Variants in CIAO1 observed in about 807,000 individuals in gnomAD.
CIAO1 encodes the protein cytosolic iron-sulfur assembly component 1.
In CIAO1, 32 loss-of-function variants were observed where a neutral mutation model predicts 43.1. That is an observed-to-expected ratio of 0.74 (90% CI 0.56 to 1.00). The LOEUF is 1.00. Among genes scored for constraint, CIAO1 ranks in the 50% least tolerant of loss-of-function variants. The probability of loss-of-function intolerance (pLI) is 0.00; values close to 1 mark genes in which losing one functional copy is unlikely to be tolerated. For synonymous variants in CIAO1, 183 were observed against 171.4 expected (o/e 1.07, Z -0.53); for missense variants, 415 against 437.4 (o/e 0.95, Z 0.46).
intron 4 of CIAO1, 133 bp from the exon 5 acceptor site, chr2:96,268,324 C>T (rs1684477479): frequency 2.5e-6 from 2 of 785,432 alleles, no homozygotes; most frequent in Non-Finnish European, 4.1e-6. Flanking sequence ...TGCACTCCAG[C>T]CTGGGCAACA....
At chr2:96,267,956 G>C (rs374399730) in intron 4 of CIAO1, 32 bp downstream of exon 4, 64 of 1,562,520 alleles carry the variant, frequency 4.1e-5, no homozygotes, top group Non-Finnish European at 5.6e-5. Flanking sequence ...TTGTGGGAAG[G>C]GCTCTGGTGT....
intron 4 of CIAO1, 85 bp downstream of exon 4, chr2:96,268,009 T>A: frequency 8.9e-7 from 1 of 1,121,804 alleles, no homozygotes; most frequent in Non-Finnish European, 1.3e-6. Flanking sequence ...AGCCTTAATC[T>A]AGCTTTTACG....
intron 6 of CIAO1, 86 bp from the exon 7 acceptor site, chr2:96,271,025 A>G: frequency 2.0e-6 from 3 of 1,536,282 alleles, no homozygotes; most frequent in Non-Finnish European, 2.7e-6. Context: ...GCCTGAAGTT[A>G]GGGAAGAGAA....
At position 96,267,388 on chromosome 2, in the gene CIAO1, G is replaced by T. The variant is rs1405814956; in HGVS notation, c.207G>T (p.Trp69Cys). ...GHQRTVRKVA[W>C]SPCGNYLASA... ...AGCGCACCGTGCGGAAGGTAGCCTG[G>T]TCCCCCTGCGGTAATTACCTGGCCT... is the stretch of plus-strand genomic sequence containing the variant. The change falls in exon 2 of 7, where the codon TGG becomes TGT. Residue 69 changes from tryptophan to cysteine, a missense_variant. Physicochemically the swap from Trp to Cys is radical, Grantham distance 215 (BLOSUM62 -2). Coordinates refer to ENST00000488633, the MANE Select transcript of CIAO1 (RefSeq NM_004804.3). The T allele has an allele frequency of 6.2e-7, 1 of 1,614,062 alleles. No individual in the cohort carries two copies. The highest frequency in any genetic ancestry group is 8.5e-7 in the Non-Finnish European group (1 of 1,180,044).
chr2:96,270,724 C>T (rs1021555097), intron 6 of CIAO1, among the ~76,000 whole-genome samples: 3 of 149,952 alleles, frequency 2.0e-5, no homozygotes, highest in Non-Finnish European at 3.0e-5. Context: ...GCAGGAGAAT[C>T]GCTTGAACCT....
Position 96,271,099 on chromosome 2 carries a change from C to CT in CIAO1, c.780-9dup. On this transcript the variant is annotated splice_polypyrimidine_tract_variant and intron_variant, in intron 6 of 6. Coordinates refer to ENST00000488633, the MANE Select transcript of CIAO1 (RefSeq NM_004804.3). Reference sequence around the variant, plus strand: ...TAGTCAGGTATACCCACTGATGTCACTTTCCTTCCAGGTGTCAGCTGACAG... The same window carrying CT: ...TAGTCAGGTATACCCACTGATGTCACTTTTCCTTCCAGGTGTCAGCTGACAG... 1 of 1,614,092 alleles carries CT rather than the reference C, an allele frequency of 6.2e-7. No individual in the cohort carries two copies. The highest frequency in any genetic ancestry group is 1.1e-5 in the South Asian group (1 of 91,086).
At chr2:96,270,020 A>G (rs1418406540) in intron 6 of CIAO1, among the ~76,000 whole-genome samples, 1 of 152,076 alleles carries the variant, frequency 6.6e-6, no homozygotes, top group Non-Finnish European at 1.5e-5. Context: ...CATATAGGAG[A>G]GTAGGTTAGA....
chr2:96,268,428 T>G, intron 4 of CIAO1, 29 bp from the exon 5 acceptor site: 1 of 1,599,744 alleles, frequency 6.3e-7, no homozygotes, highest in Non-Finnish European at 8.6e-7. Context: ...CACAGACACA[T>G]GTTGGGTTTC....
rs1282858336 is a variant in CIAO1 at position 96,273,528 on chromosome 2, G to A, written c.*2177G>A. Reference sequence around the variant, plus strand: ...ATTACAAAAATTAGCCGGGCGTGGTGGCAGATCCCTTGTAGTCCCAGCTAC... The same window carrying A: ...ATTACAAAAATTAGCCGGGCGTGGTAGCAGATCCCTTGTAGTCCCAGCTAC... On this transcript the variant is annotated 3_prime_UTR_variant, in exon 7 of 7. Coordinates refer to ENST00000488633, the MANE Select transcript of CIAO1 (RefSeq NM_004804.3). Among the ~76,000 whole-genome samples the A allele has an allele frequency of 1.3e-5, 2 of 151,960 alleles. No individual in the cohort carries two copies. The highest frequency in any genetic ancestry group is 6.6e-5 in the Admixed American group (1 of 15,248).
Position 96,267,660 on chromosome 2 carries a change from C to CA in CIAO1, c.326dup (p.Ser110ValfsTer18), listed in dbSNP as rs772609368. 1 of 1,614,182 alleles carries CA rather than the reference C, an allele frequency of 6.2e-7. No homozygotes were observed. The highest frequency in any genetic ancestry group is 1.1e-5 in the South Asian group (1 of 91,072). On this transcript the variant is annotated frameshift_variant, in exon 3 of 7. Transcript: ENST00000488633. LOFTEE classifies it high-confidence loss of function. ...CTCTCGAGGGCCATGAAAATGAGGT[C>CA]AAGTCAGTGGCTTGGGCCCCATCTG...
In CIAO1 at chr2:96,267,304, C is replaced by G. The variant is rs763023822; in HGVS notation, c.140-17C>G. On this transcript the variant is annotated splice_polypyrimidine_tract_variant and intron_variant, in intron 1 of 6. Coordinates refer to ENST00000488633, the MANE Select transcript of CIAO1 (RefSeq NM_004804.3). Reference sequence around the variant, plus strand: ...GCTGCACCCAGCTCCAGAGCCTGGCCTGCGCTCCGCCTTTAGGTGACAGCT... The same window carrying G: ...GCTGCACCCAGCTCCAGAGCCTGGCGTGCGCTCCGCCTTTAGGTGACAGCT... 121 of 1,604,456 alleles carry G rather than the reference C, an allele frequency of 7.5e-5. No homozygotes were observed. Among genetic ancestry groups the G allele is most frequent in the Non-Finnish European group, 9.7e-5 (114 of 1,173,362 alleles).
rs1684581425 is a variant in CIAO1, at chr2:96,272,901, T to G, written c.*1550T>G. ...AGCCCCTCTGCTGTGCACTGAAGTA[T>G]GGGTGCCTTGAGGAAAAGCAGTTAC... On this transcript the variant is annotated 3_prime_UTR_variant, in exon 7 of 7. Coordinates refer to ENST00000488633, the MANE Select transcript of CIAO1 (RefSeq NM_004804.3). The G allele has an allele frequency of 6.6e-6, 1 of 152,240 alleles. No homozygotes were observed. 9.4% of individuals were successfully genotyped at this position (152,240 alleles called of 1,614,324 possible). A position where few individuals can be genotyped will look rare whatever the true frequency, so the allele number is the denominator to read the frequency against.
rs557627628 is a variant in CIAO1 at position 96,273,765 on chromosome 2, G to A, written c.*2414G>A. Among the ~76,000 whole-genome samples the A allele has an allele frequency of 4.0e-5, 6 of 151,614 alleles. No homozygotes were observed. The highest frequency in any genetic ancestry group is 2.1e-4 in the South Asian group (1 of 4,826). The stretch of plus-strand genomic sequence containing the variant: ...CTATTTTAAAAACTTTTCCAACTGC[G>A]TATCTGTGTGAAGTCAACTTACTTC... On this transcript the variant is annotated 3_prime_UTR_variant, in exon 7 of 7. Transcript: ENST00000488633.
rs766122023 is a variant in CIAO1, at chr2:96,266,458, C to G, written c.108C>G (p.Gly36=). Residue 36 remains glycine (G), a synonymous_variant, in exon 1 of 7, where the codon GGC becomes GGG. Transcript: ENST00000488633. ...GGACCCTGCTGGCCTCGTGCGGCGG[C>G]GACCGGAGAATCCGCATCTGGGGCA... ...PAGTLLASCG[G]DRRIRIWGTE... The G allele has an allele frequency of 2.6e-6, 4 of 1,548,896 alleles. No homozygotes were observed. Among genetic ancestry groups the G allele is most frequent in the South Asian group, 2.3e-5 (2 of 85,774 alleles).
At position 96,267,311 on chromosome 2, in the gene CIAO1, C is replaced by T. The variant is rs1459221724; in HGVS notation, c.140-10C>T. 1 of 1,607,084 alleles carries T rather than the reference C, an allele frequency of 6.2e-7. No individual in the cohort carries two copies. Among genetic ancestry groups the T allele is most frequent in the Non-Finnish European group, 8.5e-7 (1 of 1,175,034 alleles). On this transcript the variant is annotated splice_polypyrimidine_tract_variant and intron_variant, in intron 1 of 6. Transcript: ENST00000488633. The stretch of plus-strand genomic sequence containing the variant: ...CCAGCTCCAGAGCCTGGCCTGCGCT[C>T]CGCCTTTAGGTGACAGCTGGATCTG...
rs1274029992 is a variant in CIAO1 at position 96,267,428 on chromosome 2, G to A, written c.247G>A (p.Ala83Thr). The change falls in exon 2 of 7, where the codon GCT (alanine) becomes ACT (threonine). Residue 83 changes from alanine to threonine, a missense_variant. Transcript: ENST00000488633. ...TTACCTGGCCTCTGCCAGCTTTGAT[G>A]CTACCACTTGCATTTGGAAGAAGAA... ...GNYLASASFDATTCIWKKNQD... is the reference protein window; with the variant it reads ...GNYLASASFDTTTCIWKKNQD... The A allele has an allele frequency of 3.1e-6, 5 of 1,614,200 alleles. No homozygotes were observed. The highest frequency in any genetic ancestry group is 1.1e-5 in the South Asian group (1 of 91,084).
At chr2:96,269,888 G>A (rs1355955700) in intron 6 of CIAO1, among the ~76,000 whole-genome samples, 1 of 151,896 alleles carries the variant, frequency 6.6e-6, no homozygotes, top group Non-Finnish European at 1.5e-5. Flanking sequence ...CTCATGATCC[G>A]CCCACCTTGG....
intron 5 of CIAO1, chr2:96,268,953 C>T (rs1034262362): frequency 3.5e-6 from 2 of 565,468 alleles, no homozygotes; most frequent in Admixed American, 3.2e-5. Context: ...GGTGGTAATG[C>T]ATTTAAATGG....
chr2:96,266,295 C>CCGCTGTCTGCTCAGCGGA lies in CIAO1; in HGVS notation c.-54_-37dup. The CCGCTGTCTGCTCAGCGGA allele has an allele frequency of 7.6e-7, 1 of 1,321,764 alleles. No individual in the cohort carries two copies. Among genetic ancestry groups the CCGCTGTCTGCTCAGCGGA allele is most frequent in the Non-Finnish European group, 9.7e-7 (1 of 1,026,094 alleles). 81.9% of individuals were successfully genotyped at this position (1,321,764 alleles called of 1,614,324 possible). A position where few individuals can be genotyped will look rare whatever the true frequency, so the allele number is the denominator to read the frequency against. On this transcript the variant is annotated 5_prime_UTR_variant, in exon 1 of 7. Transcript: ENST00000488633. ...GGTACGCAGACGCGCGCGGTGAGAC[C>CCGCTGTCTGCTCAGCGGA]CGCTGTCTGCTCAGCGGACTCTGCC...
Sources: gnomAD v4.1 joint callset for allele counts (sites outside exome capture counted in the v4.1 genomes callset) on GRCh38, gnomAD v4.1.1 for gene constraint, MANE v1.5 for transcripts, NCBI Gene and HGNC (gene_info 2026-07-23, HGNC 2026-07-21) for gene names.